COL4A5: variants seen among roughly 807,000 people sequenced by gnomAD.
The protein encoded by COL4A5 is collagen alpha-5(IV) chain.
Under a neutral mutation model 130.2 loss-of-function variants are expected in COL4A5, and 26 were observed. The ratio of observed to expected loss-of-function variants is 0.20; its 90% CI spans 0.15 to 0.28. The LOEUF (loss-of-function observed/expected upper bound fraction) is 0.28, where lower values mean the gene tolerates loss of function less well. Ranked by LOEUF, COL4A5 falls within the 10% of genes least tolerant of loss-of-function variation. COL4A5 has a pLI of 1.00. For synonymous variants in COL4A5, 496 were observed against 439.6 expected, an observed-to-expected ratio of 1.13 and a Z score of -1.60; for missense variants, 1,131 against 1,344.3, an observed-to-expected ratio of 0.84 and a Z score of 2.48.
intron 36 of COL4A5, among the ~76,000 whole-genome samples, chrX:108,650,300 A>G (rs1367530017): frequency 1.8e-5 from 2 of 111,333 alleles, no homozygotes; most frequent in Admixed American, 9.6e-5. Flanking sequence ...TGCGGTGATC[A>G]GGGAACACTT....
chrX:108,507,992 C>G (rs2065142812), intron 1 of COL4A5, among the ~76,000 whole-genome samples: 1 of 111,301 alleles, frequency 9.0e-6, no homozygotes, highest in Non-Finnish European at 1.9e-5. Context: ...CAAGGATGCT[C>G]TCTCTCGCCA....
At chrX:108,446,802 C>T (rs748068742) in intron 1 of COL4A5, among the ~76,000 whole-genome samples, 8 of 111,440 alleles carry the variant, frequency 7.2e-5, no homozygotes, top group Non-Finnish European at 1.3e-4. Flanking sequence ...TTCTCATTGC[C>T]CTTTCTGTAA....
chrX:108,687,809 C>A, intron 49 of COL4A5, 115 bp downstream of exon 49: 1 of 629,551 alleles, frequency 1.6e-6, no homozygotes, highest in South Asian at 2.4e-5. Context: ...TTGGGGCTTC[C>A]GAATTGAAAA....
intron 3 of COL4A5, among the ~76,000 whole-genome samples, chrX:108,561,371 A>T (rs749233936): frequency 9.9e-5 from 11 of 111,406 alleles, no homozygotes; most frequent in Non-Finnish European, 1.9e-4. Flanking sequence ...GGTAGTCTCA[A>T]CCTATCAGTT....
chrX:108,463,120 C>T (rs1569473352), intron 1 of COL4A5: 1 of 111,269 alleles, frequency 9.0e-6, no homozygotes, highest in African/African-American at 3.3e-5. Context: ...TAAATTGACA[C>T]GGAGTTGCTT....
chrX:108,676,539 T>G (rs989378953), intron 43 of COL4A5, among the ~76,000 whole-genome samples: 5 of 112,239 alleles, frequency 4.5e-5, no homozygotes, highest in Non-Finnish European at 7.5e-5. Context: ...TTTTAAATTA[T>G]TTTGTTTATT....
At chrX:108,545,060 G>T (rs1242293029) in intron 2 of COL4A5, among the ~76,000 whole-genome samples, 3 of 111,528 alleles carry the variant, frequency 2.7e-5, no homozygotes, top group African/African-American at 9.8e-5. Context: ...CAAAAAACCA[G>T]CTCCTGGATT....
At chrX:108,600,263 G>T (rs1442097470) in intron 25 of COL4A5, among the ~76,000 whole-genome samples, 1 of 111,778 alleles carries the variant, frequency 8.9e-6, no homozygotes, top group African/African-American at 3.3e-5. Context: ...TTTGCGAAAA[G>T]AAATCTTTAC....
At position 108,696,903 on chromosome X, in the gene COL4A5, G is replaced by A. The variant is rs369440184; in HGVS notation, c.*525G>A. On this transcript the variant is annotated 3_prime_UTR_variant, in exon 53 of 53. Transcript: ENST00000328300. ...GAGTCATTTACATATGACATAGCATGAATCACTCTTTACAGAAAATGTAGG... is the reference window on the plus strand; with the variant it reads ...GAGTCATTTACATATGACATAGCATAAATCACTCTTTACAGAAAATGTAGG... The A allele has an allele frequency of 8.9e-6, 1 of 112,039 alleles. No individual in the cohort carries two copies. Among genetic ancestry groups the A allele is most frequent in the East Asian group, 2.8e-4 (1 of 3,563 alleles). The allele number at this position is 112,039 out of a possible 1,213,427, so 9.2% of individuals were successfully genotyped here.
intron 36 of COL4A5, 197 bp downstream of exon 36, chrX:108,626,546 G>T: frequency 8.8e-7 from 1 of 1,139,306 alleles, no homozygotes; most frequent in Non-Finnish European, 1.2e-6. Flanking sequence ...AAAATAAAAA[G>T]GGAAAACTTT....
chrX:108,514,454 G>T (rs1313246093), intron 1 of COL4A5, among the ~76,000 whole-genome samples: 6 of 111,751 alleles, frequency 5.4e-5, no homozygotes, highest in Non-Finnish European at 1.1e-4. Flanking sequence ...GGGCTTTCAG[G>T]ACCACTGCAC....
Position 108,603,131 on chromosome X carries a change from A to G in COL4A5, c.2244+70A>G, listed in dbSNP as rs899497157. 1.5e-5 allele frequency: 10 copies of G among 683,381 alleles called. No individual in the cohort carries two copies. The African/African-American group carries it at 2.0e-4, about 14-fold the overall frequency. The allele number at this position is 683,381 out of a possible 1,213,427, so 56.3% of individuals were successfully genotyped here. A position where few individuals can be genotyped will look rare whatever the true frequency, so the allele number is the denominator to read the frequency against. On this transcript the variant is annotated intron_variant, in intron 28 of 52. Coordinates refer to ENST00000328300, the MANE Select transcript of COL4A5 (RefSeq NM_033380.3). Reference sequence around the variant, plus strand: ...CCACCTTCCTTATTTCTAGCTCTCTATTTTGACTCAGATATCATCCCAAGC... The same window carrying G: ...CCACCTTCCTTATTTCTAGCTCTCTGTTTTGACTCAGATATCATCCCAAGC...
chrX:108,516,818 A>T lies in COL4A5; in HGVS notation c.82-22928A>T, dbSNP rs948436941. ...ACTAATTTTTAGTTGGAAGTCTTGG[A>T]TAATTTCTTCCAGTGAAATTAGTTA... is the stretch of plus-strand genomic sequence containing the variant. On this transcript the variant is annotated intron_variant, in intron 1 of 52. Transcript: ENST00000328300. Among the ~76,000 whole-genome samples the T allele has an allele frequency of 4.5e-5, 5 of 111,550 alleles. No individual in the cohort carries two copies. In the Admixed American group the frequency reaches 4.8e-4, roughly 11 times the overall value.
intron 10 of COL4A5, 32 bp downstream of exon 10, chrX:108,576,004 C>A (rs759800918): frequency 2.1e-6 from 2 of 942,666 alleles, no homozygotes; most frequent in Admixed American, 2.3e-5. Context: ...AATTTCCCCC[C>A]CTTTCCTTTC....
At chrX:108,559,231 A>C in intron 3 of COL4A5, 78 bp downstream of exon 3, 1 of 739,118 alleles carries the variant, frequency 1.4e-6, no homozygotes, top group Non-Finnish European at 2.1e-6. Context: ...CACATCAACT[A>C]AAAAGTTACT....
At chrX:108,507,415 A>T (rs1210553504) in intron 1 of COL4A5, among the ~76,000 whole-genome samples, 1 of 112,116 alleles carries the variant, frequency 8.9e-6, no homozygotes, top group Non-Finnish European at 1.9e-5. Flanking sequence ...GGTTGGTTCA[A>T]CATACACAAA....
At chrX:108,578,842 G>A (rs1486586585) in intron 13 of COL4A5, among the ~76,000 whole-genome samples, 1 of 109,619 alleles carries the variant, frequency 9.1e-6, no homozygotes, top group Non-Finnish European at 1.9e-5. Context: ...ACCACACCCT[G>A]CTAATTATTG....
intron 1 of COL4A5, among the ~76,000 whole-genome samples, chrX:108,512,570 C>T (rs768285747): frequency 1.6e-4 from 17 of 109,560 alleles, no homozygotes; most frequent in African/African-American, 4.7e-4. Flanking sequence ...GCTGGGCATC[C>T]GGGGGAGACA....
At chrX:108,559,009 G>A in intron 2 of COL4A5, 55 bp from the exon 3 acceptor site, 1 of 936,025 alleles carries the variant, frequency 1.1e-6, no homozygotes, top group Non-Finnish European at 1.6e-6. Context: ...TCTCAACCAT[G>A]CCTGTGCTTG....
Sources: gnomAD v4.1 joint callset for allele counts (sites outside exome capture counted in the v4.1 genomes callset) on GRCh38, gnomAD v4.1.1 for gene constraint, MANE v1.5 for transcripts, NCBI Gene and HGNC (gene_info 2026-07-23, HGNC 2026-07-21) for gene names.